Variants in SPAG16 observed in about 807,000 individuals in gnomAD.
SPAG16 encodes the protein sperm associated antigen 16.
In SPAG16, 86 loss-of-function variants were observed where a neutral mutation model predicts 80.4. That is an observed-to-expected ratio of 1.07 (90% CI 0.90 to 1.28). The LOEUF is 1.28. SPAG16 is among the 50% of genes most tolerant of loss of function. SPAG16 has a pLI of 0.00. For missense variants in SPAG16, 870 were observed against 765.3 expected (o/e 1.14, Z -1.61); for synonymous variants, 294 against 265.9 (o/e 1.11, Z -1.03).
rs772595875 is a variant in SPAG16, at chr2:214,300,900, C to G, written c.1721-109240C>G. Among the ~76,000 whole-genome samples, 6 of 151,642 alleles carry G rather than the reference C, an allele frequency of 4.0e-5. No homozygotes were observed. In the South Asian group the frequency reaches 6.2e-4, roughly 16 times the overall value. On this transcript the variant is annotated intron_variant, in intron 15 of 15. Transcript: ENST00000331683. ...TAGAGGACTAAGGATTCCTTCCTAA[C>G]TCATTTAAAAAAAATTATTACTCTA...
chr2:213,644,290 A>G (rs993444318), intron 10 of SPAG16, among the ~76,000 whole-genome samples: 1 of 151,852 alleles, frequency 6.6e-6, no homozygotes, highest in African/African-American at 2.4e-5. Flanking sequence ...CAGCACAGCT[A>G]TTTTGAATTC....
chr2:213,768,207 G>A (rs1186092135), intron 10 of SPAG16, among the ~76,000 whole-genome samples: 1 of 152,134 alleles, frequency 6.6e-6, no homozygotes, highest in African/African-American at 2.4e-5. Flanking sequence ...AGTATTGGGG[G>A]TAAAGGACTG....
intron 15 of SPAG16, among the ~76,000 whole-genome samples, chr2:214,299,022 A>C (rs1694354084): frequency 6.6e-6 from 1 of 152,152 alleles, no homozygotes; most frequent in South Asian, 2.1e-4. Context: ...AAGCCCTATT[A>C]ACAGAATTGT....
intron 15 of SPAG16, among the ~76,000 whole-genome samples, chr2:214,312,082 G>A (rs1386912543): frequency 1.3e-5 from 2 of 152,062 alleles, no homozygotes; most frequent in Non-Finnish European, 2.9e-5. Context: ...ATTATTCAAA[G>A]AAAGAAAAAA....
intron 10 of SPAG16, among the ~76,000 whole-genome samples, chr2:213,575,779 A>G (rs891903945): frequency 6.6e-6 from 1 of 152,134 alleles, no homozygotes; most frequent in African/African-American, 2.4e-5. Context: ...ATATAGCTCA[A>G]TTGTAGGATT....
Position 214,247,164 on chromosome 2 carries a change from A to G in SPAG16, c.1720+97898A>G, listed in dbSNP as rs576180484. On this transcript the variant is annotated intron_variant, in intron 15 of 15. Coordinates refer to ENST00000331683, the MANE Select transcript of SPAG16 (RefSeq NM_024532.5). ...TTAATCCTAGCCTTCTTGAATCTTCATTAGTGAAATCTATAAAGAATGTAA... is the reference window on the plus strand; with the variant it reads ...TTAATCCTAGCCTTCTTGAATCTTCGTTAGTGAAATCTATAAAGAATGTAA... 2.0e-5 allele frequency among the ~76,000 whole-genome samples: 3 copies of G among 152,236 alleles called. No individual in the cohort carries two copies. In the East Asian group the frequency reaches 5.8e-4, roughly 29 times the overall value.
chr2:213,650,493 C>T (rs775605468), intron 10 of SPAG16, among the ~76,000 whole-genome samples: 2 of 152,176 alleles, frequency 1.3e-5, no homozygotes, highest in Non-Finnish European at 2.9e-5. Context: ...GAGATATGCA[C>T]TGATAGCTAC....
At chr2:213,860,449 G>C (rs1460489293) in intron 10 of SPAG16, among the ~76,000 whole-genome samples, 3 of 119,290 alleles carry the variant, frequency 2.5e-5, no homozygotes, top group South Asian at 2.9e-4. Flanking sequence ...ATAGATATAT[G>C]TATATATATA....
chr2:213,490,198 A>C, intron 10 of SPAG16, 108 bp downstream of exon 10: 6 of 1,077,922 alleles, frequency 5.6e-6, no homozygotes, highest in Non-Finnish European at 6.4e-6. Context: ...TTAGCCTTTC[A>C]AAATTGCTAC....
intron 11 of SPAG16, among the ~76,000 whole-genome samples, chr2:213,915,773 C>G (rs2077929428): frequency 6.6e-6 from 1 of 152,190 alleles, no homozygotes; most frequent in African/African-American, 2.4e-5. Context: ...CACATCCTCT[C>G]CAGCATCTGT....
intron 13 of SPAG16, among the ~76,000 whole-genome samples, chr2:214,035,064 C>T (rs1028814585): frequency 6.6e-6 from 1 of 152,126 alleles, no homozygotes; most frequent in African/African-American, 2.4e-5. Context: ...CAGTGGATAG[C>T]TACTCTCCAC....
intron 10 of SPAG16, among the ~76,000 whole-genome samples, chr2:213,860,573 C>A (rs2075411636): frequency 6.6e-6 from 1 of 151,184 alleles, no homozygotes; most frequent in Admixed American, 6.6e-5. Context: ...TTAGGAGGAT[C>A]AGTTCATGTG....
rs144151816 is a variant in SPAG16 at position 214,156,967 on chromosome 2, G to C, written c.1720+7701G>C. Among the ~76,000 whole-genome samples, 578 of 152,286 alleles carry C rather than the reference G, an allele frequency of 3.8e-3. 7 individuals carry two copies. The highest frequency in any genetic ancestry group is 0.015 in the Admixed American group (233 of 15,294). On this transcript the variant is annotated intron_variant, in intron 15 of 15. Transcript: ENST00000331683. ...AGAGGAGAGGATAAAATACAAGAGA[G>C]AAAAGGTGACCAGGTGGTCCTTCTG...
intron 10 of SPAG16, among the ~76,000 whole-genome samples, chr2:213,737,676 G>C (rs1036760398): frequency 3.9e-5 from 6 of 151,988 alleles, no homozygotes; most frequent in Non-Finnish European, 7.4e-5. Flanking sequence ...TTTTAGTAGA[G>C]ACGGGGTTTC....
intron 12 of SPAG16, among the ~76,000 whole-genome samples, chr2:213,965,691 A>G (rs918730136): frequency 6.6e-6 from 1 of 152,160 alleles, no homozygotes. Flanking sequence ...TTTCTATAGC[A>G]CTGTTATGCT....
chr2:214,203,790 C>G (rs13031614), intron 15 of SPAG16, among the ~76,000 whole-genome samples: 45,312 of 152,102 alleles, frequency 0.3, 8,448 homozygotes, highest in Non-Finnish European at 0.41. Flanking sequence ...AACTTCGTAA[C>G]AATTTCAACC....
At chr2:213,633,252 G>T (rs2062225365) in intron 10 of SPAG16, among the ~76,000 whole-genome samples, 1 of 152,006 alleles carries the variant, frequency 6.6e-6, no homozygotes, top group African/African-American at 2.4e-5. Flanking sequence ...CAATATGTTG[G>T]CATATAGTTG....
At chr2:214,369,509 G>A (rs561771036) in intron 15 of SPAG16, among the ~76,000 whole-genome samples, 1 of 152,142 alleles carries the variant, frequency 6.6e-6, no homozygotes, top group Admixed American at 6.5e-5. Flanking sequence ...CACTTAAAGA[G>A]GGTCTGTAAC....
intron 10 of SPAG16, among the ~76,000 whole-genome samples, chr2:213,862,020 A>G (rs1010915408): frequency 1.3e-5 from 2 of 152,170 alleles, no homozygotes; most frequent in African/African-American, 4.8e-5. Flanking sequence ...TTACAGAACT[A>G]TGATAATGTG....
Sources: allele counts gnomAD v4.1 joint callset (sites outside exome capture counted in the v4.1 genomes callset), GRCh38; gene constraint gnomAD v4.1.1; transcripts MANE v1.5; gene names NCBI Gene and HGNC (gene_info 2026-07-23, HGNC 2026-07-21).